The following PLXNC1 variants were observed in gnomAD, a reference collection of about 807,000 sequenced individuals.
The protein encoded by PLXNC1 is plexin C1, also known as plexin-C1.
A neutral mutation model predicts 178.2 loss-of-function variants in PLXNC1; 75 were observed. The observed-to-expected ratio is 0.42, with a 90% confidence interval of 0.35 to 0.51. The LOEUF (loss-of-function observed/expected upper bound fraction) is 0.51, where lower values mean the gene tolerates loss of function less well. Among genes scored for constraint, PLXNC1 ranks in the 20% least tolerant of loss-of-function variants. The probability of loss-of-function intolerance (pLI) is 0.02; values close to 1 mark genes in which losing one functional copy is unlikely to be tolerated. For synonymous variants in PLXNC1, 790 were observed against 779.9 expected (o/e 1.01, Z -0.22); for missense variants, 1,503 against 1,984.4 (o/e 0.76, Z 4.61).
rs370136682 is a variant in PLXNC1, at chr12:94,199,405, G to A, written c.1440-10185G>A. On this transcript the variant is annotated intron_variant, in intron 4 of 30. Transcript: ENST00000258526. ...TCTCGTGTGAGGACCCCATTGTGCC[G>A]ACTAATTGTGTAGAAGCAAGTAGGA... Among the ~76,000 whole-genome samples the A allele has an allele frequency of 4.6e-5, 7 of 152,170 alleles. 1 individual carries two copies. The highest frequency in any genetic ancestry group is 4.1e-4 in the South Asian group (2 of 4,836).
At position 94,204,410 on chromosome 12, in the gene PLXNC1, C is replaced by G. The variant is rs11107438; in HGVS notation, c.1440-5180C>G. ...TGAATCAAATCATGTGAAAAGACAT[C>G]GCCTGGCATGTTAGATGTTTTTGCT... On this transcript the variant is annotated intron_variant, in intron 4 of 30. Coordinates refer to ENST00000258526, the MANE Select transcript of PLXNC1 (RefSeq NM_005761.3). Among the ~76,000 whole-genome samples the G allele has an allele frequency of 4.3e-3, 659 of 152,276 alleles. 1 individual carries two copies. Among genetic ancestry groups the G allele is most frequent in the Non-Finnish European group, 7.4e-3 (506 of 68,022 alleles).
At chr12:94,157,288 T>A (rs1188025295) in intron 1 of PLXNC1, among the ~76,000 whole-genome samples, 2 of 152,098 alleles carry the variant, frequency 1.3e-5, no homozygotes, top group Non-Finnish European at 2.9e-5. Context: ...AAGACCAACA[T>A]CTTGATTACA....
chr12:94,208,111 T>C lies in PLXNC1; in HGVS notation c.1440-1479T>C, dbSNP rs548636968. Reference sequence around the variant, plus strand: ...CTCTCTCTGACATTGACAGGCGGTTTAATTTGAACTTAATGTCTTTGACGG... The same window carrying C: ...CTCTCTCTGACATTGACAGGCGGTTCAATTTGAACTTAATGTCTTTGACGG... On this transcript the variant is annotated intron_variant, in intron 4 of 30. Transcript: ENST00000258526. Among the ~76,000 whole-genome samples the C allele has an allele frequency of 5.9e-5, 9 of 152,360 alleles. No individual in the cohort carries two copies. In the East Asian group the frequency reaches 1.3e-3, roughly 23 times the overall value.
intron 4 of PLXNC1, among the ~76,000 whole-genome samples, chr12:94,207,086 A>G (rs1963322733): frequency 6.6e-6 from 1 of 152,250 alleles, no homozygotes; most frequent in South Asian, 2.1e-4. Flanking sequence ...TATAATCTGC[A>G]GTATTTGAGA....
rs184292570 is a variant in PLXNC1, at chr12:94,220,206, A to T, written c.1702+43A>T. ...GGTTATTTTTGTTATAAAATCAAAA[A>T]AACAAGGGAACCTCCTGAGTTTAGT... On this transcript the variant is annotated intron_variant, in intron 6 of 30. Transcript: ENST00000258526. 6.8e-5 allele frequency: 108 copies of T among 1,589,318 alleles called. No homozygotes were observed. The Admixed American group carries it at 9.3e-4, about 14-fold the overall frequency.
intron 4 of PLXNC1, among the ~76,000 whole-genome samples, chr12:94,203,405 G>A (rs1592760904): frequency 1.3e-5 from 2 of 152,176 alleles, no homozygotes; most frequent in East Asian, 3.8e-4. Flanking sequence ...TGTTTCCCAA[G>A]CTTCTTGGCA....
At position 94,184,010 on chromosome 12, in the gene PLXNC1, C is replaced by T. The variant is rs535730455; in HGVS notation, c.1339-2363C>T. 9.9e-5 allele frequency among the ~76,000 whole-genome samples: 15 copies of T among 152,180 alleles called. No individual in the cohort carries two copies. The East Asian group carries it at 2.3e-3, about 24-fold the overall frequency. On this transcript the variant is annotated intron_variant, in intron 3 of 30. Transcript: ENST00000258526. ...TCCATAAAATGGTATGATACGGGGCCGCTAAAAATAATCATATGGAGATGT... is the reference window on the plus strand; with the variant it reads ...TCCATAAAATGGTATGATACGGGGCTGCTAAAAATAATCATATGGAGATGT...
At chr12:94,188,067 G>A (rs1962586114) in intron 4 of PLXNC1, among the ~76,000 whole-genome samples, 2 of 151,774 alleles carry the variant, frequency 1.3e-5, no homozygotes, top group African/African-American at 4.8e-5. Context: ...GGAGGAGGAA[G>A]TGATCCACTG....
chr12:94,207,077 A>G (rs1024311155), intron 4 of PLXNC1, among the ~76,000 whole-genome samples: 4 of 152,242 alleles, frequency 2.6e-5, no homozygotes, highest in African/African-American at 9.6e-5. Flanking sequence ...TGAAGATTTT[A>G]TAATCTGCAG....
intron 23 of PLXNC1, among the ~76,000 whole-genome samples, chr12:94,285,670 G>C (rs893794136): frequency 4.6e-5 from 7 of 152,190 alleles, no homozygotes; most frequent in African/African-American, 1.2e-4. Flanking sequence ...CCAGAGGGAA[G>C]GTAATGGCCA....
rs753886495 is a variant in PLXNC1, at chr12:94,260,786, C to T, written c.3396C>T (p.Val1132=). The T allele has an allele frequency of 6.8e-6, 11 of 1,614,170 alleles. No individual in the cohort carries two copies. The highest frequency in any genetic ancestry group is 8.5e-6 in the Non-Finnish European group (10 of 1,180,024). ...TCATGCTGAGACGCACGGAGTCCGT[C>T]GTCGAAAAACTCCTCACAAACTGGA... is the stretch of plus-strand genomic sequence containing the variant. ...PKLMLRRTES[V]VEKLLTNWMS... Residue 1132 remains valine (V), a synonymous_variant, in exon 20 of 31, where the codon GTC becomes GTT. Coordinates refer to ENST00000258526, the MANE Select transcript of PLXNC1 (RefSeq NM_005761.3). The surrounding 1 kb of genome is among the most constrained non-coding windows in gnomAD (Gnocchi z 4.4).
rs543781016 is a variant in PLXNC1 at position 94,242,044 on chromosome 12, G to GA, written c.2300+1387dup. ...GAGAAAGAGGAAAAAAAGTAGAGAA[G>GA]AAAAAAATCACTTTTAATATTCTTA... On this transcript the variant is annotated intron_variant, in intron 11 of 30. Coordinates refer to ENST00000258526, the MANE Select transcript of PLXNC1 (RefSeq NM_005761.3). 1.2e-3 allele frequency among the ~76,000 whole-genome samples: 182 copies of GA among 151,864 alleles called. 2 individuals carry two copies. The highest frequency in any genetic ancestry group is 4.3e-3 in the African/African-American group (176 of 41,404).
intron 11 of PLXNC1, among the ~76,000 whole-genome samples, chr12:94,243,185 CA>C (rs1205823793): frequency 6.6e-6 from 1 of 152,208 alleles, no homozygotes; most frequent in African/African-American, 2.4e-5. Context: ...TTGGGTTGCT[CA>C]GGCCCACCTC....
chr12:94,234,765 T>TA, intron 9 of PLXNC1, among the ~76,000 whole-genome samples: 1 of 152,324 alleles, frequency 6.6e-6, no homozygotes, highest in Non-Finnish European at 1.5e-5. Context: ...TGCATAAGCT[T>TA]ATAGGGCTGG....
chr12:94,236,569 C>T (rs986463799), intron 9 of PLXNC1, among the ~76,000 whole-genome samples: 3 of 152,172 alleles, frequency 2.0e-5, no homozygotes, highest in Non-Finnish European at 2.9e-5. Flanking sequence ...TTTCACCAAA[C>T]GTCATGTGAT....
chr12:94,224,917 A>G (rs769432040), intron 7 of PLXNC1, among the ~76,000 whole-genome samples: 1 of 152,084 alleles, frequency 6.6e-6, no homozygotes, highest in African/African-American at 2.4e-5. Context: ...AAAAAGAAGG[A>G]GCGCTGCTAG....
chr12:94,160,956 A>G (rs974610041), intron 1 of PLXNC1, among the ~76,000 whole-genome samples: 5 of 152,276 alleles, frequency 3.3e-5, no homozygotes, highest in Non-Finnish European at 7.3e-5. Context: ...ATCTGCAACA[A>G]CTATCAAATA....
intron 20 of PLXNC1, among the ~76,000 whole-genome samples, chr12:94,261,273 C>T (rs1473094919): frequency 6.6e-6 from 1 of 152,242 alleles, no homozygotes; most frequent in Non-Finnish European, 1.5e-5. Context: ...CGCATTAAAG[C>T]AGCTCTCCAA....
chr12:94,190,263 A>G (rs947470227), intron 4 of PLXNC1, among the ~76,000 whole-genome samples: 2 of 152,234 alleles, frequency 1.3e-5, no homozygotes, highest in East Asian at 3.9e-4. Context: ...TTGTTTTGAG[A>G]CAGGGTCTCA....
Sources: gnomAD v4.1 joint callset for allele counts (sites outside exome capture counted in the v4.1 genomes callset) on GRCh38, gnomAD v4.1.1 for gene constraint, Gnocchi (gnomAD v3.1) non-coding constraint, MANE v1.5 for transcripts, NCBI Gene and HGNC (gene_info 2026-07-23, HGNC 2026-07-21) for gene names.